The following BLNK variants were observed in gnomAD, a reference collection of about 807,000 sequenced individuals.
BLNK encodes the protein B-cell linker protein.
In BLNK, 29 loss-of-function variants were observed where a neutral mutation model predicts 73.5. The ratio of observed to expected loss-of-function variants is 0.39; its 90% CI spans 0.29 to 0.54. The LOEUF (loss-of-function observed/expected upper bound fraction) is 0.54. Among genes scored for constraint, BLNK ranks in the 20% least tolerant of loss-of-function variants. The pLI is 0.61. For synonymous variants in BLNK, 176 were observed against 200.8 expected (o/e 0.88, Z 1.04); for missense variants, 460 against 562.8 (o/e 0.82, Z 1.85).
Position 96,227,455 on chromosome 10 carries a change from T to G in BLNK, c.316A>C (p.Arg106=), listed in dbSNP as rs369391875. The change falls in exon 5 of 17, where the codon AGG becomes CGG. Residue 106 remains arginine (R), a synonymous_variant. Coordinates refer to ENST00000224337, the MANE Select transcript of BLNK (RefSeq NM_013314.4). ...YEPPPVEQET[R]PVHPALPFAR... is the part of the protein sequence containing the mutation. ...AAGGGCAGGGCTGGGTGAACCGGCCTGGTTTCCTGCTCTACTGGAGGCGGC... is the reference window on the plus strand; with the variant it reads ...AAGGGCAGGGCTGGGTGAACCGGCCGGGTTTCCTGCTCTACTGGAGGCGGC... The G allele has an allele frequency of 6.4e-5, 103 of 1,614,114 alleles. No homozygotes were observed. The highest frequency in any genetic ancestry group is 8.5e-5 in the Non-Finnish European group (100 of 1,180,054).
chr10:96,190,232 C>G lies in BLNK; in HGVS notation c.*1741G>C. 1 of 749,974 alleles carries G rather than the reference C, an allele frequency of 1.3e-6. No individual in the cohort carries two copies. The highest frequency in any genetic ancestry group is 2.4e-6 in the Non-Finnish European group (1 of 411,076). The allele number at this position is 749,974 out of a possible 1,614,324, so 46.5% of individuals were successfully genotyped here. ...TCGAATCTTCCATCAGGTGGCGGCACACACTTAGGTGGGAGAGAAAGCAGA... is the reference window on the plus strand; with the variant it reads ...TCGAATCTTCCATCAGGTGGCGGCAGACACTTAGGTGGGAGAGAAAGCAGA... On this transcript the variant is annotated 3_prime_UTR_variant, in exon 17 of 17. Transcript: ENST00000224337.
chr10:96,227,707 A>G (rs879980080), intron 4 of BLNK, 141 bp from the exon 5 acceptor site: 8 of 1,300,988 alleles, frequency 6.1e-6, no homozygotes, highest in South Asian at 1.2e-5. Flanking sequence ...TAGGCAGCCG[A>G]TAAGAGGCAA....
At chr10:96,221,407 T>A (rs1458879244) in intron 6 of BLNK, among the ~76,000 whole-genome samples, 2 of 152,266 alleles carry the variant, frequency 1.3e-5, no homozygotes, top group African/African-American at 4.8e-5. Context: ...TGACTTCTTC[T>A]TTTCCCAACT....
chr10:96,209,942 C>A (rs782761639), intron 8 of BLNK, 35 bp from the exon 9 acceptor site: 3 of 1,612,030 alleles, frequency 1.9e-6, no homozygotes, highest in Admixed American at 3.3e-5. Flanking sequence ...GTCCCCAAGT[C>A]CTGAGCCGGG....
chr10:96,271,486 C>CG lies in BLNK; in HGVS notation c.-89_-88insC. 2 of 1,409,482 alleles carry CG rather than the reference C, an allele frequency of 1.4e-6. No homozygotes were observed. The highest frequency in any genetic ancestry group is 2.3e-5 in the South Asian group (2 of 86,800). 87.3% of individuals were successfully genotyped at this position (1,409,482 alleles called of 1,614,324 possible). A position where few individuals can be genotyped will look rare whatever the true frequency, so the allele number is the denominator to read the frequency against. ...CCTCCTAGGGAGCAGCATGGTAAGCCTCTGGTCTCAAGGGTTCCGGCCACT... is the reference window on the plus strand; with the variant it reads ...CCTCCTAGGGAGCAGCATGGTAAGCCGTCTGGTCTCAAGGGTTCCGGCCACT... On this transcript the variant is annotated 5_prime_UTR_variant, in exon 1 of 17. Coordinates refer to ENST00000224337, the MANE Select transcript of BLNK (RefSeq NM_013314.4).
At chr10:96,246,198 C>G (rs1285242071) in intron 2 of BLNK, among the ~76,000 whole-genome samples, 1 of 151,368 alleles carries the variant, frequency 6.6e-6, no homozygotes, top group Non-Finnish European at 1.5e-5. Context: ...TAGGCTTTCC[C>G]TCTCCAAGTG....
At chr10:96,267,406 C>T (rs782226820) in intron 1 of BLNK, among the ~76,000 whole-genome samples, 5 of 152,046 alleles carry the variant, frequency 3.3e-5, no homozygotes, top group Non-Finnish European at 5.9e-5. Flanking sequence ...TGAGGGCTGA[C>T]GAGGATACCA....
In BLNK at chr10:96,242,761, C is replaced by T. The variant is rs1842918987; in HGVS notation, c.137G>A (p.Ser46Asn). 1.2e-6 allele frequency: 2 copies of T among 1,614,106 alleles called. No individual in the cohort carries two copies. The highest frequency in any genetic ancestry group is 4.5e-5 in the East Asian group (2 of 44,890). The part of the protein sequence containing the change: ...IKKLKVKAPP[S>N]VPRRDYASES... ...TGAAGCGTAGTCCCTTCGAGGAACA[C>T]TTGGAGGTGCTTTGACTTTTAGCCT... is the stretch of plus-strand genomic sequence containing the variant. Residue 46 changes from serine (S) to asparagine (N), a missense_variant, in exon 3 of 17, where the codon AGT (serine) becomes AAT (asparagine). Physicochemically the swap from Ser to Asn is conservative, Grantham distance 46. This residue lies in a region of BLNK where 139 missense variants were observed against 187.3 expected (regional missense o/e 0.74). Transcript: ENST00000224337.
At chr10:96,250,869 T>G (rs1361098620) in intron 1 of BLNK, among the ~76,000 whole-genome samples, 4 of 152,238 alleles carry the variant, frequency 2.6e-5, no homozygotes, top group Admixed American at 2.0e-4. Context: ...GTTACTGAAG[T>G]GTTGCATAAA....
chr10:96,253,913 C>CG (rs1299917485), intron 1 of BLNK, among the ~76,000 whole-genome samples: 1 of 151,484 alleles, frequency 6.6e-6, no homozygotes, highest in African/African-American at 2.4e-5. Context: ...CCCAGCTACT[C>CG]GGGAGGCTGA....
chr10:96,197,206 G>T, intron 15 of BLNK, 143 bp from the exon 16 acceptor site: 1 of 627,892 alleles, frequency 1.6e-6, no homozygotes, highest in Non-Finnish European at 2.6e-6. Context: ...ATTGATTAGC[G>T]CTTGTCTTCT....
At chr10:96,240,946 A>T (rs1365036916) in intron 3 of BLNK, among the ~76,000 whole-genome samples, 16 of 152,216 alleles carry the variant, frequency 1.1e-4, no homozygotes, top group African/African-American at 3.9e-4. Context: ...AGCTTCCTTG[A>T]CTTATTGATT....
chr10:96,201,070 C>G lies in BLNK; in HGVS notation c.935-12G>C, dbSNP rs782620239. ...CCCTTCTGTAAATCCTGAAAGGGATCAGAAAAGTCCTTCAATTAATCTTCA... is the reference window on the plus strand; with the variant it reads ...CCCTTCTGTAAATCCTGAAAGGGATGAGAAAAGTCCTTCAATTAATCTTCA... On this transcript the variant is annotated splice_polypyrimidine_tract_variant and intron_variant, in intron 13 of 16. Coordinates refer to ENST00000224337, the MANE Select transcript of BLNK (RefSeq NM_013314.4). The G allele has an allele frequency of 6.2e-7, 1 of 1,608,402 alleles. No homozygotes were observed. Among genetic ancestry groups the G allele is most frequent in the Non-Finnish European group, 8.5e-7 (1 of 1,174,814 alleles).
chr10:96,195,503 A>G (rs587604721), intron 16 of BLNK, among the ~76,000 whole-genome samples: 1 of 152,394 alleles, frequency 6.6e-6, no homozygotes, highest in South Asian at 2.1e-4. Context: ...ATCCTAACAC[A>G]TGCTACAACA....
chr10:96,260,502 A>G (rs1843706805), intron 1 of BLNK, among the ~76,000 whole-genome samples: 1 of 152,356 alleles, frequency 6.6e-6, no homozygotes, highest in African/African-American at 2.4e-5. Flanking sequence ...AAGAATTTGA[A>G]TATGTTCTTT....
At chr10:96,214,612 G>T (rs2084022155) in intron 8 of BLNK, among the ~76,000 whole-genome samples, 1 of 152,150 alleles carries the variant, frequency 6.6e-6, no homozygotes, top group South Asian at 2.1e-4. Flanking sequence ...GAGAAACAGG[G>T]GTGCCCGCAG....
intron 5 of BLNK, among the ~76,000 whole-genome samples, chr10:96,226,815 GAC>G (rs1554902592): frequency 1.3e-5 from 2 of 151,454 alleles, no homozygotes. Flanking sequence ...CAGCCTGGGT[GAC>G]AGAGTGAGAC....
At chr10:96,206,035 G>A (rs2083796075) in intron 11 of BLNK, among the ~76,000 whole-genome samples, 1 of 152,188 alleles carries the variant, frequency 6.6e-6, no homozygotes, top group African/African-American at 2.4e-5. Flanking sequence ...CAATACAGCA[G>A]AAAAGGGGTG....
chr10:96,193,698 G>A (rs2083386182), intron 16 of BLNK, among the ~76,000 whole-genome samples: 1 of 152,100 alleles, frequency 6.6e-6, no homozygotes, highest in African/African-American at 2.4e-5. Context: ...CAACGTATTG[G>A]CCACTAAGAT....
Sources: gnomAD v4.1 joint callset for allele counts (sites outside exome capture counted in the v4.1 genomes callset) on GRCh38, gnomAD v4.1.1 for gene constraint, gnomAD v4.1.1 regional missense constraint, MANE v1.5 for transcripts, NCBI Gene and HGNC (gene_info 2026-07-23, HGNC 2026-07-21) for gene names.